Variants in KCTD10 observed in about 807,000 individuals in gnomAD.
The protein encoded by KCTD10 is potassium channel tetramerization domain containing 10.
Under a neutral mutation model 34.6 loss-of-function variants are expected in KCTD10, and 13 were observed. That is an observed-to-expected ratio of 0.38 (90% confidence interval 0.24 to 0.60). KCTD10 has a LOEUF of 0.60. KCTD10 is among the 20% of genes least tolerant of loss of function. KCTD10 has a pLI of 0.66. For missense variants in KCTD10, 256 were observed against 420.3 expected, an observed-to-expected ratio of 0.61 and a Z score of 3.42; for synonymous variants, 156 against 168.8, an observed-to-expected ratio of 0.92 and a Z score of 0.59.
intron 1 of KCTD10, chr12:109,470,235 T>G (rs2135678587): frequency 1.0e-6 from 1 of 986,206 alleles, no homozygotes; most frequent in African/African-American, 1.7e-5. Flanking sequence ...TTCAGCTGCA[T>G]CACAGATGAA....
chr12:109,472,263 T>C (rs1381750370), intron 1 of KCTD10, among the ~76,000 whole-genome samples: 1 of 152,226 alleles, frequency 6.6e-6, no homozygotes, highest in African/African-American at 2.4e-5. Flanking sequence ...TTTCTTTATA[T>C]CCTTATTCTA....
Position 109,451,649 on chromosome 12 carries a change from G to C in KCTD10, c.888C>G (p.Arg296=), listed in dbSNP as rs747021710. 1 of 1,612,790 alleles carries C rather than the reference G, an allele frequency of 6.2e-7. No individual in the cohort carries two copies. Among genetic ancestry groups the C allele is most frequent in the South Asian group, 1.1e-5 (1 of 91,010 alleles). ...GGCGCTTGATGTGGATCCTCCGCAC[G>C]CGCTCGATCCGCTCCCGCTCCTCGT... ...DEDEERERIE[R]VRRIHIKRPD... is the part of the protein sequence containing the mutation. Residue 296 remains arginine, a synonymous_variant, in exon 7 of 7, where the codon CGC becomes CGG. Coordinates refer to ENST00000228495, the MANE Select transcript of KCTD10 (RefSeq NM_031954.5). The surrounding 1 kb of genome is among the most constrained non-coding windows in gnomAD (Gnocchi z 5.0).
chr12:109,454,999 T>C (rs1294546809), intron 6 of KCTD10, among the ~76,000 whole-genome samples: 2 of 150,836 alleles, frequency 1.3e-5, no homozygotes, highest in Non-Finnish European at 3.0e-5. Context: ...AATCAAACCA[T>C]GACAGAATGG....
At position 109,457,596 on chromosome 12, in the gene KCTD10, T is replaced by C. The variant is rs529097016; in HGVS notation, c.527+34A>G. On this transcript the variant is annotated intron_variant, in intron 5 of 6. Transcript: ENST00000228495. The stretch of plus-strand genomic sequence containing the variant: ...CTGGTGTGAGTGGAGGTTTTCCTAG[T>C]AAATGGAGCTGTCTTTCCCGGCTGA... The C allele has an allele frequency of 9.3e-6, 15 of 1,606,332 alleles. 1 individual carries two copies. In the South Asian group the frequency reaches 1.1e-4, roughly 12 times the overall value.
At chr12:109,456,655 A>G in intron 5 of KCTD10, 1 of 383,942 alleles carries the variant, frequency 2.6e-6, no homozygotes, top group South Asian at 2.2e-5. Flanking sequence ...CCGAGCCCCA[A>G]GAGGAGCAGA....
At chr12:109,474,261 A>G (rs1874038862) in intron 1 of KCTD10, among the ~76,000 whole-genome samples, 1 of 152,176 alleles carries the variant, frequency 6.6e-6, no homozygotes, top group Non-Finnish European at 1.5e-5. Context: ...TTCATTACCA[A>G]TGAAGCTGGG....
chr12:109,451,745 G>A lies in KCTD10; in HGVS notation c.792C>T (p.Gly264=), dbSNP rs1419357288. 6.2e-7 allele frequency: 1 copy of A among 1,614,148 alleles called. No individual in the cohort carries two copies. Among genetic ancestry groups the A allele is most frequent in the Non-Finnish European group, 8.5e-7 (1 of 1,180,012 alleles). The change falls in exon 7 of 7, where the codon GGC becomes GGT. Residue 264 remains glycine, a synonymous_variant. Transcript: ENST00000228495. The surrounding 1 kb of genome is among the most constrained non-coding windows in gnomAD (Gnocchi z 5.0). ...LNILLYEAQD[G]RGPDNALLEA... The stretch of plus-strand genomic sequence containing the variant: ...CCAGGAGCGCATTGTCAGGTCCCCG[G>A]CCATCCTGGGCCTCATACAGCAAAA...
In KCTD10 at chr12:109,469,708, A is replaced by C. The variant is rs752693063; in HGVS notation, c.24T>G (p.Ser8Arg). The C allele has an allele frequency of 6.2e-7, 1 of 1,614,156 alleles. No homozygotes were observed. Among genetic ancestry groups the C allele is most frequent in the Non-Finnish European group, 8.5e-7 (1 of 1,180,022 alleles). ...CCGCTGGCACCGCTGAGCTCACCACACTTTCTCCTGACATCTCTTCCTGCC... is the reference window on the plus strand; with the variant it reads ...CCGCTGGCACCGCTGAGCTCACCACCCTTTCTCCTGACATCTCTTCCTGCC... MEEMSGE[S>R]VVSSAVPAAA... The change falls in exon 2 of 7, where the codon AGT (serine) becomes AGG (arginine). Residue 8 changes from serine (S) to arginine (R), a missense_variant. This residue lies in a region of KCTD10 where 155 missense variants were observed against 207.0 expected (regional missense o/e 0.75). Transcript: ENST00000228495.
chr12:109,473,623 T>C (rs1874000644), intron 1 of KCTD10, among the ~76,000 whole-genome samples: 1 of 152,052 alleles, frequency 6.6e-6, no homozygotes, highest in Non-Finnish European at 1.5e-5. Context: ...TCAGTCAACC[T>C]AATAGTAGGC....
At chr12:109,465,703 T>C (rs1873556504) in intron 2 of KCTD10, among the ~76,000 whole-genome samples, 1 of 152,188 alleles carries the variant, frequency 6.6e-6, no homozygotes, top group Non-Finnish European at 1.5e-5. Flanking sequence ...TTATTCACAA[T>C]TTAAAAGCTC....
intron 1 of KCTD10, chr12:109,470,523 A>T: frequency 1.0e-6 from 1 of 985,454 alleles, no homozygotes; most frequent in South Asian, 4.7e-5. Flanking sequence ...ATGTGTACTC[A>T]GAGCAAACAT....
intron 3 of KCTD10, chr12:109,458,602 T>G (rs1323884800): frequency 6.5e-6 from 1 of 154,144 alleles, no homozygotes; most frequent in African/African-American, 2.4e-5. Flanking sequence ...CCCAAATCCA[T>G]CTCCGTCCCC....
At chr12:109,458,569 T>C (rs1873148896) in intron 3 of KCTD10, 4 of 154,790 alleles carry the variant, frequency 2.6e-5, no homozygotes, top group Admixed American at 6.4e-5. Flanking sequence ...CTGAAACCAG[T>C]GGGCGGAAGC....
In KCTD10 at chr12:109,449,968, A is replaced by G. The variant is rs996214590; in HGVS notation, c.*1627T>C. On this transcript the variant is annotated 3_prime_UTR_variant, in exon 7 of 7. Transcript: ENST00000228495. ...TGCCCAATACACGATTTTGACATTC[A>G]GTCATGATTGTTTTAAAGTTTTATT... 3.6e-6 allele frequency: 1 copy of G among 275,540 alleles called. No individual in the cohort carries two copies. The highest frequency in any genetic ancestry group is 2.2e-5 in the African/African-American group (1 of 45,806). The allele number at this position is 275,540 out of a possible 1,614,324, so 17.1% of individuals were successfully genotyped here. A position where few individuals can be genotyped will look rare whatever the true frequency, so the allele number is the denominator to read the frequency against.
chr12:109,471,670 T>G (rs1282762013), intron 1 of KCTD10, among the ~76,000 whole-genome samples: 4 of 152,070 alleles, frequency 2.6e-5, no homozygotes, highest in Non-Finnish European at 4.4e-5. Context: ...GAGTAGCTTA[T>G]GGAAATAAAA....
intron 1 of KCTD10, chr12:109,471,375 G>C: frequency 2.0e-6 from 2 of 985,448 alleles, no homozygotes; most frequent in Non-Finnish European, 2.4e-6. Flanking sequence ...CCATGTCAGG[G>C]CCCTGCAGAG....
At chr12:109,473,778 C>T (rs1874009797) in intron 1 of KCTD10, among the ~76,000 whole-genome samples, 1 of 147,772 alleles carries the variant, frequency 6.8e-6, no homozygotes, top group Admixed American at 6.8e-5. Context: ...CTACTGGAAT[C>T]CTGCTTTTTT....
chr12:109,453,446 G>T (rs1290361080), intron 6 of KCTD10, among the ~76,000 whole-genome samples: 1 of 152,142 alleles, frequency 6.6e-6, no homozygotes, highest in African/African-American at 2.4e-5. Flanking sequence ...CTTCTGCTTT[G>T]GCCTCCCAAA....
Position 109,450,205 on chromosome 12 carries a change from T to TGGTAACTACTCTACCTAG in KCTD10, c.*1372_*1389dup. The TGGTAACTACTCTACCTAG allele has an allele frequency of 2.5e-6, 1 of 398,628 alleles. No individual in the cohort carries two copies. Among genetic ancestry groups the TGGTAACTACTCTACCTAG allele is most frequent in the Non-Finnish European group, 4.4e-6 (1 of 226,064 alleles). 24.7% of individuals were successfully genotyped at this position (398,628 alleles called of 1,614,324 possible). ...TCACCTGACGCACATTCACATCTCC[T>TGGTAACTACTCTACCTAG]GGTAACTACTCTACCTAGTCTAGTC... On this transcript the variant is annotated 3_prime_UTR_variant, in exon 7 of 7. Transcript: ENST00000228495.
Sources: allele counts gnomAD v4.1 joint callset (sites outside exome capture counted in the v4.1 genomes callset), GRCh38; gene constraint gnomAD v4.1.1; regional missense constraint gnomAD v4.1.1; non-coding constraint Gnocchi (gnomAD v3.1); transcripts MANE v1.5; gene names NCBI Gene and HGNC (gene_info 2026-07-23, HGNC 2026-07-21).